OXTR: variants seen among roughly 807,000 people sequenced by gnomAD.
OXTR encodes oxytocin receptor.
In OXTR, 19 loss-of-function variants were observed where a neutral mutation model predicts 23.9. That is an observed-to-expected ratio of 0.80 (90% CI 0.56 to 1.17). The LOEUF is 1.17. OXTR is among the 50% of genes most tolerant of loss of function. OXTR has a pLI of 0.00. For synonymous variants in OXTR, 278 were observed against 250.5 expected (o/e 1.11, Z -1.04); for missense variants, 500 against 550.7 (o/e 0.91, Z 0.92).
chr3:8,753,399 T>A (rs990659784), intron 3 of OXTR, among the ~76,000 whole-genome samples, 175 bp from the exon 4 acceptor site: 5 of 152,204 alleles, frequency 3.3e-5, no homozygotes, highest in African/African-American at 1.2e-4. Flanking sequence ...TCTCCCTCCT[T>A]GTCCTGGACA....
downstream of OXTR, among the ~76,000 whole-genome samples, chr3:8,748,611 T>C (rs74572978): frequency 6.2e-3 from 945 of 152,334 alleles, 11 homozygotes; most frequent in African/African-American, 0.022. Context: ...GTGCACTCTC[T>C]ATCAAGCAGC....
chr3:8,761,035 A>T (rs565519512), intron 3 of OXTR, among the ~76,000 whole-genome samples: 16 of 152,348 alleles, frequency 1.1e-4, no homozygotes, highest in African/African-American at 3.8e-4. Context: ...AATGGCACGT[A>T]GCACGTGGAG....
the OXTR span, chr3:8,742,656 T>C: frequency 9.7e-6 from 4 of 410,350 alleles, no homozygotes; most frequent in Non-Finnish European, 1.5e-5. Context: ...TAGCCAGGCA[T>C]TGTGCTAAGC....
intron 3 of OXTR, among the ~76,000 whole-genome samples, chr3:8,760,233 C>A (rs780778441): frequency 2.6e-5 from 4 of 152,208 alleles, no homozygotes; most frequent in Non-Finnish European, 4.4e-5. Context: ...CAGGCTCAGC[C>A]CCACACCCGA....
chr3:8,765,375 C>T lies in OXTR; in HGVS notation c.922+1891G>A, dbSNP rs554951767. ...AGACTCAAGACATGAATGGGAGAGG[C>T]GAGGGGACCCCAAGGAGAGAGGAGT... On this transcript the variant is annotated intron_variant, in intron 3 of 3. Coordinates refer to ENST00000316793, the MANE Select transcript of OXTR (RefSeq NM_000916.4). Among the ~76,000 whole-genome samples the T allele has an allele frequency of 8.1e-4, 123 of 152,154 alleles. 1 individual carries two copies. The South Asian group carries it at 0.01, about 13-fold the overall frequency.
intron 3 of OXTR, among the ~76,000 whole-genome samples, chr3:8,756,685 T>G (rs1383350966): frequency 6.6e-6 from 1 of 152,188 alleles, no homozygotes; most frequent in Non-Finnish European, 1.5e-5. Flanking sequence ...GCCCAAGAGC[T>G]GCCTGCCAAA....
Position 8,768,404 on chromosome 3 carries a change from T to G in OXTR, c.-142-75A>C. The G allele has an allele frequency of 1.4e-6, 1 of 708,148 alleles. No homozygotes were observed. The highest frequency in any genetic ancestry group is 1.9e-6 in the Non-Finnish European group (1 of 521,606). The allele number at this position is 708,148 out of a possible 1,614,324, so 43.9% of individuals were successfully genotyped here. ...ACGCGGGTAGGGCGTGCTTGTCCCA[T>G]TCCCAGGAACCCAACTCATCTGAAA... On this transcript the variant is annotated intron_variant, in intron 2 of 3. Coordinates refer to ENST00000316793, the MANE Select transcript of OXTR (RefSeq NM_000916.4). The surrounding 1 kb of genome is among the most constrained non-coding windows in gnomAD (Gnocchi z 5.4).
At chr3:8,754,186 G>A (rs1277145977) in intron 3 of OXTR, among the ~76,000 whole-genome samples, 1 of 152,174 alleles carries the variant, frequency 6.6e-6, no homozygotes, top group Non-Finnish European at 1.5e-5. Flanking sequence ...GACTCATGGA[G>A]GTGCAGGCAA....
At position 8,753,364 on chromosome 3, in the gene OXTR, C is replaced by A. The variant is rs981581090; in HGVS notation, c.923-140G>T. 5.8e-6 allele frequency: 6 copies of A among 1,033,754 alleles called. No homozygotes were observed. The East Asian group carries it at 1.3e-4, about 23-fold the overall frequency. The allele number at this position is 1,033,754 out of a possible 1,614,324, so 64.0% of individuals were successfully genotyped here. On this transcript the variant is annotated intron_variant, in intron 3 of 3. Coordinates refer to ENST00000316793, the MANE Select transcript of OXTR (RefSeq NM_000916.4). ...ACATCCTGAATCACAAGATGAGGTA[C>A]TAAAGAGGCAAAGTTTGTCTTCCTT...
At chr3:8,763,659 A>G (rs972331911) in intron 3 of OXTR, among the ~76,000 whole-genome samples, 8 of 152,188 alleles carry the variant, frequency 5.3e-5, no homozygotes, top group Admixed American at 4.6e-4. Context: ...GGGCTTGTCA[A>G]ACCCTGCATG....
At chr3:8,756,365 A>T (rs1708375000) in intron 3 of OXTR, among the ~76,000 whole-genome samples, 1 of 152,168 alleles carries the variant, frequency 6.6e-6, no homozygotes, top group Admixed American at 6.5e-5. Flanking sequence ...AGAGAAGGAG[A>T]GTCACTTCCC....
At chr3:8,755,480 A>G (rs184493555) in intron 3 of OXTR, among the ~76,000 whole-genome samples, 152 of 152,362 alleles carry the variant, frequency 1.0e-3, no homozygotes, top group Middle Eastern at 3.4e-3. Flanking sequence ...TGGATCTTTC[A>G]ACTTTTTTAT....
At chr3:8,767,210 A>G in intron 3 of OXTR, 56 bp downstream of exon 3, 1 of 1,485,198 alleles carries the variant, frequency 6.7e-7, no homozygotes, top group Admixed American at 2.4e-5. Flanking sequence ...GCAGCAAGAT[A>G]AGGGCCTCCC....
rs1015887080 is a variant in OXTR at position 8,751,892 on chromosome 3, C to T, written c.*1085G>A. 3 of 152,144 alleles carry T rather than the reference C, an allele frequency of 2.0e-5. No homozygotes were observed. The highest frequency in any genetic ancestry group is 7.2e-5 in the African/African-American group (3 of 41,432). 9.4% of individuals were successfully genotyped at this position (152,144 alleles called of 1,614,324 possible). ...AATTTTGGGACTAGCTTATCAATTT[C>T]TGTAAAGAAGCCAGCTATGATTTTC... On this transcript the variant is annotated 3_prime_UTR_variant, in exon 4 of 4. Coordinates refer to ENST00000316793, the MANE Select transcript of OXTR (RefSeq NM_000916.4).
downstream of OXTR, chr3:8,745,837 C>A (rs1418074799): frequency 2.5e-6 from 4 of 1,613,394 alleles, no homozygotes; most frequent in Non-Finnish European, 3.4e-6. This position sits in a 1 kb window ranked among gnomAD's most constrained non-coding sequence, Gnocchi z 4.8. Flanking sequence ...TCTGCAGCAG[C>A]ATCAAGGTGG....
At position 8,768,997 on chromosome 3, in the gene OXTR, G is replaced by A. The variant is rs1163926250; in HGVS notation, c.-239+234C>T. ...GACCCTGGCATAGACACCTCCCGCG[G>A]GGCTCCTCCCCAGCCCGGCAGCCTC... On this transcript the variant is annotated intron_variant, in intron 1 of 3. Transcript: ENST00000316793. The surrounding 1 kb of genome is among the most constrained non-coding windows in gnomAD (Gnocchi z 5.4). 1.3e-5 allele frequency among the ~76,000 whole-genome samples: 2 copies of A among 152,192 alleles called. No individual in the cohort carries two copies. Among genetic ancestry groups the A allele is most frequent in the East Asian group, 3.9e-4 (2 of 5,188 alleles).
At chr3:8,745,447 A>G, downstream of OXTR, 1 of 1,102,434 alleles carries the variant, frequency 9.1e-7, no homozygotes, top group South Asian at 1.3e-5. This position sits in a 1 kb window ranked among gnomAD's most constrained non-coding sequence, Gnocchi z 4.8. Context: ...GGGGATTCTG[A>G]CACATGCACG....
chr3:8,745,494 T>G, downstream of OXTR: 7 of 1,218,922 alleles, frequency 5.7e-6, no homozygotes, highest in African/African-American at 1.4e-5. The surrounding 1 kb of genome is among the most constrained non-coding windows in gnomAD (Gnocchi z 4.8). Flanking sequence ...GTGGCTTCTG[T>G]GAGTTGAGGC....
intron 3 of OXTR, among the ~76,000 whole-genome samples, chr3:8,754,569 G>A (rs897905171): frequency 1.2e-4 from 18 of 152,204 alleles, no homozygotes; most frequent in Non-Finnish European, 1.9e-4. Flanking sequence ...CTCAAGAGGT[G>A]CAAAATCTAG....
Sources: allele counts gnomAD v4.1 joint callset (sites outside exome capture counted in the v4.1 genomes callset), GRCh38; gene constraint gnomAD v4.1.1; non-coding constraint Gnocchi (gnomAD v3.1); transcripts MANE v1.5; gene names NCBI Gene and HGNC (gene_info 2026-07-23, HGNC 2026-07-21).